Variants in CUX1 observed in about 807,000 individuals in gnomAD.
CUX1 encodes cut like homeobox 1, also known as protein CASP.
A neutral mutation model predicts 158.8 loss-of-function variants in CUX1; 31 were observed. The observed-to-expected ratio is 0.20, with a 90% CI of 0.15 to 0.26. The LOEUF is 0.26. Among genes scored for constraint, CUX1 ranks in the 10% least tolerant of loss-of-function variants. The pLI is 1.00. For missense variants in CUX1, 1,589 were observed against 2,014.6 expected (o/e 0.79, Z 4.04); for synonymous variants, 879 against 862.1 (o/e 1.02, Z -0.34).
intron 2 of CUX1, among the ~76,000 whole-genome samples, chr7:101,990,361 CTTTTG>C (rs777330597): frequency 4.3e-4 from 61 of 142,912 alleles, no homozygotes; most frequent in Non-Finnish European, 8.2e-4. Flanking sequence ...GACCCCATCT[CTTTTG>C]TTTGTTTGTT....
intron 2 of CUX1, among the ~76,000 whole-genome samples, chr7:101,942,850 G>C (rs1010519006): frequency 2.0e-5 from 3 of 152,212 alleles, no homozygotes; most frequent in African/African-American, 7.2e-5. Flanking sequence ...TGGGGTGGTG[G>C]GAGCAGCATG....
intron 2 of CUX1, among the ~76,000 whole-genome samples, chr7:101,994,367 G>A (rs1316160254): frequency 6.6e-6 from 1 of 152,186 alleles, no homozygotes; most frequent in African/African-American, 2.4e-5. Context: ...AGTTTGGGAG[G>A]CCGAGGTGGG....
intron 4 of CUX1, among the ~76,000 whole-genome samples, chr7:102,086,612 C>G (rs557575251): frequency 6.7e-6 from 1 of 150,300 alleles, no homozygotes; most frequent in African/African-American, 2.4e-5. Context: ...TGGCTTTTTT[C>G]GTTGTTTTTT....
At chr7:101,874,597 G>C (rs966127686) in intron 1 of CUX1, among the ~76,000 whole-genome samples, 3 of 152,180 alleles carry the variant, frequency 2.0e-5, no homozygotes, top group Non-Finnish European at 4.4e-5. Flanking sequence ...GTATCATCCT[G>C]GTTTTTCAGG....
chr7:101,967,479 C>G (rs1161433117), intron 2 of CUX1, among the ~76,000 whole-genome samples: 1 of 152,172 alleles, frequency 6.6e-6, no homozygotes, highest in African/African-American at 2.4e-5. Flanking sequence ...TTTCAGAAGC[C>G]TTTAAAAGCT....
At chr7:101,835,274 C>G (rs74805945) in intron 1 of CUX1, among the ~76,000 whole-genome samples, 1 of 152,190 alleles carries the variant, frequency 6.6e-6, no homozygotes, top group Non-Finnish European at 1.5e-5. Context: ...GCTTCTCTCA[C>G]GTAGCACAGT....
chr7:101,892,452 C>T (rs1800983678), intron 1 of CUX1, among the ~76,000 whole-genome samples: 1 of 152,120 alleles, frequency 6.6e-6, no homozygotes, highest in African/African-American at 2.4e-5. Flanking sequence ...TAATTACCCT[C>T]ATTTAGACAT....
At chr7:102,070,224 T>G (rs1825979691) in intron 3 of CUX1, 115 bp from the exon 4 acceptor site, 2 of 826,928 alleles carry the variant, frequency 2.4e-6, no homozygotes, top group South Asian at 1.6e-5. Context: ...TGAAGCCCAG[T>G]TGTCAAGCAT....
intron 11 of CUX1, among the ~76,000 whole-genome samples, chr7:102,189,368 G>T (rs1332890625): frequency 1.3e-4 from 18 of 143,834 alleles, no homozygotes; most frequent in South Asian, 2.2e-4. Context: ...TTGGGTGCGG[G>T]GGGGGATGCT....
chr7:101,873,741 A>G (rs1290793669), intron 1 of CUX1, among the ~76,000 whole-genome samples: 2 of 151,630 alleles, frequency 1.3e-5, no homozygotes, highest in Non-Finnish European at 2.9e-5. Context: ...GCACTACCAC[A>G]CTCGGCTAAT....
intron 3 of CUX1, among the ~76,000 whole-genome samples, chr7:102,032,189 A>C (rs930504651): frequency 9.9e-5 from 15 of 151,666 alleles, no homozygotes; most frequent in Non-Finnish European, 2.9e-5. Context: ...TCAGCCTCCC[A>C]GAGGGCTGGG....
At chr7:101,980,849 C>T (rs972302918) in intron 2 of CUX1, among the ~76,000 whole-genome samples, 1 of 152,078 alleles carries the variant, frequency 6.6e-6, no homozygotes, top group Non-Finnish European at 1.5e-5. Flanking sequence ...GACTTTCTCC[C>T]GAACACAGCA....
At chr7:102,089,997 T>C (rs954239507) in intron 4 of CUX1, among the ~76,000 whole-genome samples, 1 of 152,242 alleles carries the variant, frequency 6.6e-6, no homozygotes, top group African/African-American at 2.4e-5. Flanking sequence ...AGTTGTTTCA[T>C]TGACTTTGCC....
At chr7:102,229,991 T>C (rs980613775) in intron 21 of CUX1, among the ~76,000 whole-genome samples, 14 of 152,286 alleles carry the variant, frequency 9.2e-5, no homozygotes, top group African/African-American at 3.4e-4. Context: ...TTCCCTGGTT[T>C]AGGCACGCGG....
At chr7:101,828,261 T>TA (rs1258579737) in intron 1 of CUX1, among the ~76,000 whole-genome samples, 1 of 151,770 alleles carries the variant, frequency 6.6e-6, no homozygotes, top group Non-Finnish European at 1.5e-5. Context: ...GGAGCCACCA[T>TA]ACCCAGCCCC....
chr7:101,865,069 G>C (rs1393929028), intron 1 of CUX1, among the ~76,000 whole-genome samples: 2 of 152,080 alleles, frequency 1.3e-5, no homozygotes, highest in African/African-American at 2.4e-5. Flanking sequence ...TTATCACAAA[G>C]ATACCAAAAC....
intron 8 of CUX1, among the ~76,000 whole-genome samples, chr7:102,132,184 G>A (rs1833320334): frequency 6.6e-6 from 1 of 151,342 alleles, no homozygotes; most frequent in African/African-American, 2.4e-5. Context: ...ATGGATGGGC[G>A]GGTGGATAGA....
chr7:102,115,487 C>T lies in CUX1; in HGVS notation c.674+214C>T, dbSNP rs567842599. 29 of 466,098 alleles carry T rather than the reference C, an allele frequency of 6.2e-5. No homozygotes were observed. In the East Asian group the frequency reaches 1.0e-3, roughly 17 times the overall value. 28.9% of individuals were successfully genotyped at this position (466,098 alleles called of 1,614,324 possible). ...TTCCTTCTTTATTGTGAAGGCTGGT[C>T]ACTGCTATGCCTTCTGCCATGAAAA... On this transcript the variant is annotated intron_variant, in intron 8 of 23. Coordinates refer to ENST00000292535, the MANE Select transcript of CUX1 (RefSeq NM_181552.4).
At chr7:101,961,875 C>CAA (rs11409394) in intron 2 of CUX1, 3,566 of 111,176 alleles carry the variant, frequency 0.032, 188 homozygotes, top group African/African-American at 0.094. Context: ...GACTCCATCT[C>CAA]AAAAAAAAAA....
Sources: gnomAD v4.1 joint callset for allele counts (sites outside exome capture counted in the v4.1 genomes callset) on GRCh38, gnomAD v4.1.1 for gene constraint, MANE v1.5 for transcripts, NCBI Gene and HGNC (gene_info 2026-07-23, HGNC 2026-07-21) for gene names.